B3GALT1: variants seen among roughly 807,000 people sequenced by gnomAD.
B3GALT1 encodes the protein UDP-Gal:betaGlcNAc beta 1,3-galactosyltransferase, polypeptide 1.
Under a neutral mutation model 23.2 loss-of-function variants are expected in B3GALT1, and 10 were observed. That is an observed-to-expected ratio of 0.43 (90% CI 0.27 to 0.73). B3GALT1 has a LOEUF of 0.73. Ranked by LOEUF, B3GALT1 falls within the 30% of genes least tolerant of loss-of-function variation. The pLI is 0.21. For synonymous variants in B3GALT1, 156 were observed against 141.5 expected (o/e 1.10, Z -0.73); for missense variants, 299 against 405.4 (o/e 0.74, Z 2.25).
chr2:167,767,809 A>G (rs985561394), intron 3 of B3GALT1, among the ~76,000 whole-genome samples: 1 of 152,130 alleles, frequency 6.6e-6, no homozygotes, highest in Non-Finnish European at 1.5e-5. Context: ...AACGAATACA[A>G]TATATATAAA....
At chr2:167,840,722 C>A (rs1197796275) in intron 4 of B3GALT1, among the ~76,000 whole-genome samples, 1 of 151,450 alleles carries the variant, frequency 6.6e-6, no homozygotes, top group African/African-American at 2.4e-5. Flanking sequence ...AAGACACATG[C>A]ACATGTATGT....
chr2:167,778,480 A>G (rs1056401988), intron 3 of B3GALT1, among the ~76,000 whole-genome samples: 1 of 152,192 alleles, frequency 6.6e-6, no homozygotes, highest in Non-Finnish European at 1.5e-5. Flanking sequence ...CAATGCATAA[A>G]CTATGTAGAA....
At chr2:167,474,571 C>T (rs1425900460) in intron 1 of B3GALT1, among the ~76,000 whole-genome samples, 1 of 152,054 alleles carries the variant, frequency 6.6e-6, no homozygotes, top group Non-Finnish European at 1.5e-5. Context: ...TCACGTGGAT[C>T]TAAATTTTGA....
At chr2:167,803,081 A>AACACAT (rs1187679506) in intron 3 of B3GALT1, among the ~76,000 whole-genome samples, 5,663 of 141,472 alleles carry the variant, frequency 0.04, 130 homozygotes, top group South Asian at 0.093. Context: ...GACCCTAACA[A>AACACAT]ACACACACAC....
At chr2:167,443,978 C>A (rs567296214) in intron 1 of B3GALT1, among the ~76,000 whole-genome samples, 1 of 152,298 alleles carries the variant, frequency 6.6e-6, no homozygotes, top group East Asian at 1.9e-4. Context: ...AGTTTTTGCC[C>A]ATTCAGTATG....
chr2:167,802,408 T>C (rs836681), intron 3 of B3GALT1, among the ~76,000 whole-genome samples: 68,664 of 152,098 alleles, frequency 0.45, 17,848 homozygotes, highest in African/African-American at 0.7. Context: ...GGTTGTTTTT[T>C]ATCATTTTTT....
intron 1 of B3GALT1, among the ~76,000 whole-genome samples, chr2:167,299,928 G>A (rs1223878163): frequency 6.6e-6 from 1 of 151,754 alleles, no homozygotes; most frequent in Non-Finnish European, 1.5e-5. Context: ...TTGAGATGGA[G>A]TTTCGCTCTT....
At chr2:167,380,968 A>C (rs933077823) in intron 1 of B3GALT1, among the ~76,000 whole-genome samples, 2 of 152,140 alleles carry the variant, frequency 1.3e-5, no homozygotes, top group Non-Finnish European at 2.9e-5. Flanking sequence ...GTTGATCTTT[A>C]TGTACTATCT....
At chr2:167,391,058 A>T (rs1162915668) in intron 1 of B3GALT1, among the ~76,000 whole-genome samples, 3 of 152,212 alleles carry the variant, frequency 2.0e-5, no homozygotes, top group Non-Finnish European at 4.4e-5. Context: ...ACCTAGAATT[A>T]TTGAAGGGAG....
At chr2:167,691,366 T>C (rs1191397581) in intron 3 of B3GALT1, among the ~76,000 whole-genome samples, 1 of 152,184 alleles carries the variant, frequency 6.6e-6, no homozygotes, top group Non-Finnish European at 1.5e-5. Context: ...TTTACCTGTT[T>C]TGCTCACAAC....
intron 1 of B3GALT1, among the ~76,000 whole-genome samples, chr2:167,481,738 A>G (rs903383853): frequency 1.2e-4 from 18 of 152,198 alleles, no homozygotes; most frequent in Admixed American, 3.9e-4. Flanking sequence ...TTGCCTTTCC[A>G]GGAAGTTCAC....
intron 1 of B3GALT1, among the ~76,000 whole-genome samples, chr2:167,300,007 A>G (rs1485546906): frequency 1.3e-5 from 2 of 151,934 alleles, no homozygotes; most frequent in African/African-American, 2.4e-5. Flanking sequence ...GGTTCAAGCA[A>G]TTCTCCTGCC....
chr2:167,414,169 C>G (rs1698432825), intron 1 of B3GALT1, among the ~76,000 whole-genome samples: 1 of 152,002 alleles, frequency 6.6e-6, no homozygotes, highest in Non-Finnish European at 1.5e-5. Flanking sequence ...ATTTTTTATG[C>G]TTAGGTTTGA....
chr2:167,555,286 C>T (rs75097785), intron 2 of B3GALT1, among the ~76,000 whole-genome samples: 1,550 of 152,288 alleles, frequency 0.01, 22 homozygotes, highest in African/African-American at 0.035. Context: ...TTATCATACA[C>T]ATAAATCTCA....
intron 2 of B3GALT1, among the ~76,000 whole-genome samples, chr2:167,567,102 G>T (rs913895731): frequency 3.3e-5 from 5 of 152,178 alleles, no homozygotes; most frequent in Non-Finnish European, 7.3e-5. Flanking sequence ...AAAGTGGAAT[G>T]ATGATCCCCT....
At chr2:167,369,900 T>G (rs1414077835) in intron 1 of B3GALT1, among the ~76,000 whole-genome samples, 2 of 146,562 alleles carry the variant, frequency 1.4e-5, no homozygotes, top group Admixed American at 1.3e-4. Flanking sequence ...TTCTGCTTAT[T>G]TATTTATTTA....
At chr2:167,724,358 G>A (rs999015707) in intron 3 of B3GALT1, among the ~76,000 whole-genome samples, 10 of 152,144 alleles carry the variant, frequency 6.6e-5, no homozygotes, top group Admixed American at 2.0e-4. Flanking sequence ...CAAGGGCAGC[G>A]CTAGTATTTC....
chr2:167,714,388 G>C, intron 3 of B3GALT1: 1 of 1,522,120 alleles, frequency 6.6e-7, no homozygotes, highest in Admixed American at 1.7e-5. Flanking sequence ...TCCCTGGGCT[G>C]CTTGGGCTTC....
intron 3 of B3GALT1, among the ~76,000 whole-genome samples, chr2:167,746,298 T>C (rs560781792): frequency 1.3e-5 from 2 of 152,342 alleles, no homozygotes; most frequent in South Asian, 2.1e-4. Context: ...ACAAATAAAA[T>C]GAGATCTTTA....
Sources: gnomAD v4.1 joint callset for allele counts (sites outside exome capture counted in the v4.1 genomes callset) on GRCh38, gnomAD v4.1.1 for gene constraint, MANE v1.5 for transcripts, NCBI Gene and HGNC (gene_info 2026-07-23, HGNC 2026-07-21) for gene names.